Variants in DLG2 observed in about 807,000 individuals in gnomAD.
The protein encoded by DLG2 is discs large MAGUK scaffold protein 2.
In DLG2, 45 loss-of-function variants were observed where a neutral mutation model predicts 132.5. The ratio of observed to expected loss-of-function variants is 0.34; its 90% confidence interval spans 0.27 to 0.44. The LOEUF (loss-of-function observed/expected upper bound fraction) is 0.44. Ranked by LOEUF, DLG2 falls within the 20% of genes least tolerant of loss-of-function variation. DLG2 has a pLI of 1.00. For missense variants in DLG2, 1,045 were observed against 1,196.9 expected, an observed-to-expected ratio of 0.87 and a Z score of 1.87; for synonymous variants, 424 against 419.6, an observed-to-expected ratio of 1.01 and a Z score of -0.13.
intron 6 of DLG2, among the ~76,000 whole-genome samples, chr11:84,607,432 G>A (rs931060216): frequency 1.3e-5 from 2 of 152,058 alleles, no homozygotes; most frequent in African/African-American, 4.8e-5. Flanking sequence ...AGGCTATAAT[G>A]ATGTCCTCAT....
intron 7 of DLG2, among the ~76,000 whole-genome samples, chr11:84,407,569 C>G (rs1341244039): frequency 6.6e-6 from 1 of 152,156 alleles, no homozygotes; most frequent in African/African-American, 2.4e-5. Context: ...GTTCCTAGAC[C>G]TACCTTCCTT....
At chr11:84,058,507 AAT>A (rs1566266779) in intron 11 of DLG2, among the ~76,000 whole-genome samples, 6,637 of 139,182 alleles carry the variant, frequency 0.048, 330 homozygotes, top group African/African-American at 0.12. Context: ...AAACAAATAC[AAT>A]AATAATAATA....
chr11:83,534,226 A>G (rs1208824445), intron 20 of DLG2, among the ~76,000 whole-genome samples: 1 of 152,200 alleles, frequency 6.6e-6, no homozygotes, highest in Non-Finnish European at 1.5e-5. Flanking sequence ...CTGCATATAC[A>G]GGGTTGTATG....
chr11:84,844,568 C>T (rs1046999444), intron 6 of DLG2, among the ~76,000 whole-genome samples: 2 of 151,928 alleles, frequency 1.3e-5, no homozygotes, highest in African/African-American at 4.8e-5. Flanking sequence ...CACCTGTCTG[C>T]TACCTCACAC....
At chr11:85,410,300 A>C (rs1294989442) in intron 3 of DLG2, among the ~76,000 whole-genome samples, 1 of 151,782 alleles carries the variant, frequency 6.6e-6, no homozygotes, top group African/African-American at 2.4e-5. Context: ...AAGATAAATA[A>C]AATGTAATCA....
chr11:84,289,927 G>A (rs989480236), intron 7 of DLG2, among the ~76,000 whole-genome samples: 4 of 152,080 alleles, frequency 2.6e-5, no homozygotes, highest in African/African-American at 7.2e-5. Flanking sequence ...GTAGTAACCA[G>A]ATCCAGAATA....
intron 18 of DLG2, among the ~76,000 whole-genome samples, chr11:83,667,220 A>C (rs985080722): frequency 6.6e-6 from 1 of 152,196 alleles, no homozygotes; most frequent in Admixed American, 6.5e-5. Context: ...AGTGTATCCA[A>C]TGAGTTTTCA....
chr11:85,113,630 G>T (rs1229757597), intron 5 of DLG2, among the ~76,000 whole-genome samples: 1 of 151,982 alleles, frequency 6.6e-6, no homozygotes, highest in East Asian at 1.9e-4. Flanking sequence ...TGAAACAGAA[G>T]TTAGAACCTT....
In DLG2 at chr11:84,388,852, A is replaced by C. The variant is rs563105948; in HGVS notation, c.520-137561T>G. Among the ~76,000 whole-genome samples the C allele has an allele frequency of 3.9e-5, 6 of 152,220 alleles. No homozygotes were observed. In the South Asian group the frequency reaches 1.2e-3, roughly 32 times the overall value. ...AAATCATGTAACTCTTGCTCTGCTT[A>C]AATTTGTATTCCTTTGTTCACTGAC... On this transcript the variant is annotated intron_variant, in intron 7 of 27. Coordinates refer to ENST00000376104, the MANE Select transcript of DLG2 (RefSeq NM_001142699.3).
intron 6 of DLG2, among the ~76,000 whole-genome samples, chr11:84,781,057 A>ATGTGTGTG (rs35479707): frequency 0.039 from 5,634 of 142,956 alleles, 177 homozygotes; most frequent in Non-Finnish European, 0.053. Context: ...TCATAACTTA[A>ATGTGTGTG]TGTGTGTGTG....
intron 18 of DLG2, among the ~76,000 whole-genome samples, chr11:83,711,435 C>T (rs188625490): frequency 1.8e-4 from 28 of 152,298 alleles, no homozygotes; most frequent in Non-Finnish European, 2.9e-4. Flanking sequence ...TGTGACTTGA[C>T]GTCAAGTGAG....
At chr11:85,558,828 T>C (rs927368908) in intron 3 of DLG2, among the ~76,000 whole-genome samples, 5 of 151,836 alleles carry the variant, frequency 3.3e-5, no homozygotes, top group Admixed American at 6.6e-5. Flanking sequence ...GAAAACTAAC[T>C]ACTGGGTACT....
chr11:84,194,708 T>C (rs1190266113), intron 8 of DLG2, among the ~76,000 whole-genome samples: 1 of 152,224 alleles, frequency 6.6e-6, no homozygotes, highest in Non-Finnish European at 1.5e-5. Flanking sequence ...AGTCTCAACC[T>C]GACTCAGGAC....
At chr11:84,419,302 C>T (rs1003751489) in intron 7 of DLG2, among the ~76,000 whole-genome samples, 1 of 152,166 alleles carries the variant, frequency 6.6e-6, no homozygotes, top group East Asian at 1.9e-4. Context: ...TTTCAAAACA[C>T]GTTTTGTATT....
At chr11:84,804,294 A>G (rs1039890771) in intron 6 of DLG2, among the ~76,000 whole-genome samples, 1 of 152,226 alleles carries the variant, frequency 6.6e-6, no homozygotes, top group African/African-American at 2.4e-5. Context: ...CAAATATTAG[A>G]GGCAATAATG....
chr11:83,763,911 T>C (rs143836780), intron 18 of DLG2, among the ~76,000 whole-genome samples: 5 of 152,352 alleles, frequency 3.3e-5, no homozygotes, highest in African/African-American at 4.8e-5. Context: ...ATTGTCTATT[T>C]TGCCGGATCT....
intron 7 of DLG2, among the ~76,000 whole-genome samples, chr11:84,278,147 C>G (rs898184905): frequency 3.4e-5 from 5 of 147,636 alleles, no homozygotes; most frequent in Admixed American, 2.1e-4. Context: ...CTCAGTTTCT[C>G]AAAGTGCTAG....
intron 21 of DLG2, among the ~76,000 whole-genome samples, chr11:83,493,219 T>C (rs1039819310): frequency 6.6e-6 from 1 of 152,130 alleles, no homozygotes; most frequent in Non-Finnish European, 1.5e-5. Context: ...GGCTGATTCC[T>C]CACATCGTTC....
intron 7 of DLG2, among the ~76,000 whole-genome samples, chr11:84,290,596 A>C (rs1463913221): frequency 2.0e-5 from 3 of 152,234 alleles, no homozygotes; most frequent in Admixed American, 2.0e-4. Context: ...TACAGCACTA[A>C]ATTCTTCATG....
Sources: allele counts gnomAD v4.1 joint callset (sites outside exome capture counted in the v4.1 genomes callset), GRCh38; gene constraint gnomAD v4.1.1; transcripts MANE v1.5; gene names NCBI Gene and HGNC (gene_info 2026-07-23, HGNC 2026-07-21).